ARHGAP40: variants seen among roughly 807,000 people sequenced by gnomAD.
The protein encoded by ARHGAP40 is rho GTPase-activating protein 40.
Under a neutral mutation model 73.5 loss-of-function variants are expected in ARHGAP40, and 43 were observed. The observed-to-expected ratio is 0.58, with a 90% CI of 0.46 to 0.75. The LOEUF is 0.75. ARHGAP40 is among the 30% of genes least tolerant of loss of function. The pLI is 0.00. For synonymous variants in ARHGAP40, 300 were observed against 352.8 expected (o/e 0.85, Z 1.68); for missense variants, 734 against 861.8 (o/e 0.85, Z 1.86).
chr20:38,632,463 G>A (rs1415268858), intron 5 of ARHGAP40, among the ~76,000 whole-genome samples: 6 of 151,596 alleles, frequency 4.0e-5, no homozygotes, highest in Admixed American at 2.6e-4. Context: ...GGGTTTCACC[G>A]TGTTAGCCAG....
At chr20:38,608,386 T>G (rs577441703) in intron 1 of ARHGAP40, among the ~76,000 whole-genome samples, 1 of 152,304 alleles carries the variant, frequency 6.6e-6, no homozygotes, top group South Asian at 2.1e-4. Context: ...TGTTCTCTAG[T>G]TACTACTCTG....
intron 9 of ARHGAP40, among the ~76,000 whole-genome samples, chr20:38,640,838 G>C (rs2089013533): frequency 6.6e-6 from 1 of 152,132 alleles, no homozygotes; most frequent in Admixed American, 6.5e-5. Flanking sequence ...GCCTGCGAGG[G>C]GCCTTCCGTG....
chr20:38,641,094 A>G (rs540840747), intron 9 of ARHGAP40, among the ~76,000 whole-genome samples: 1 of 144,162 alleles, frequency 6.9e-6, no homozygotes, highest in South Asian at 2.4e-4. Flanking sequence ...GGAGGGAGGG[A>G]GGGAGGAAGG....
chr20:38,621,613 G>A (rs1381040011), intron 1 of ARHGAP40, among the ~76,000 whole-genome samples: 3 of 152,216 alleles, frequency 2.0e-5, no homozygotes, highest in African/African-American at 7.2e-5. Context: ...GGAGAAACAT[G>A]AGATGTCTGC....
At chr20:38,641,572 C>T (rs1405062245) in intron 9 of ARHGAP40, among the ~76,000 whole-genome samples, 154 bp from the exon 10 acceptor site, 5 of 152,156 alleles carry the variant, frequency 3.3e-5, no homozygotes, top group African/African-American at 4.8e-5. Context: ...TCTGAGCCAA[C>T]ATTAGACAAG....
At chr20:38,614,856 C>G in intron 1 of ARHGAP40, 4 of 968,784 alleles carry the variant, frequency 4.1e-6, no homozygotes, top group Non-Finnish European at 6.6e-6. Context: ...ACCATGAGTA[C>G]CTCATCACGT....
chr20:38,639,264 G>A (rs1218230526), exon 9 of ARHGAP40: 1 of 1,305,464 alleles, frequency 7.7e-7, no homozygotes, highest in Admixed American at 2.3e-5. Flanking sequence ...TTCTATGCTG[G>A]CCTTTTTAGC....
At chr20:38,620,133 T>C (rs1290813063) in intron 1 of ARHGAP40, among the ~76,000 whole-genome samples, 1 of 152,228 alleles carries the variant, frequency 6.6e-6, no homozygotes, top group Non-Finnish European at 1.5e-5. Flanking sequence ...CAGTAAAGGT[T>C]TGAAAACCAA....
chr20:38,642,147 A>G (rs76785689), intron 10 of ARHGAP40, among the ~76,000 whole-genome samples: 6,957 of 152,254 alleles, frequency 0.046, 563 homozygotes, highest in African/African-American at 0.16. Context: ...CCTTTGGTAT[A>G]TTGAGGCTTT....
exon 13 of ARHGAP40, chr20:38,647,090 A>T (rs1323211220): frequency 1.5e-6 from 2 of 1,305,172 alleles, no homozygotes; most frequent in African/African-American, 1.5e-5. Flanking sequence ...TCCAAGGGTC[A>T]AGAAGACAGT....
intron 4 of ARHGAP40, among the ~76,000 whole-genome samples, 164 bp downstream of exon 4, chr20:38,629,166 T>C (rs1208847374): frequency 1.3e-5 from 2 of 152,176 alleles, no homozygotes; most frequent in African/African-American, 4.8e-5. Context: ...AGGGGACAGG[T>C]TGGGCCCTTA....
At chr20:38,633,875 G>A (rs914567646) in intron 5 of ARHGAP40, among the ~76,000 whole-genome samples, 6 of 152,220 alleles carry the variant, frequency 3.9e-5, no homozygotes, top group Non-Finnish European at 5.9e-5. Context: ...GGACAGAGCC[G>A]GTGAGGCAGA....
At chr20:38,641,602 T>C (rs150973490) in intron 9 of ARHGAP40, 124 bp from the exon 10 acceptor site, 4 of 596,946 alleles carry the variant, frequency 6.7e-6, no homozygotes, top group South Asian at 3.6e-5. Flanking sequence ...CCACACCTTA[T>C]GAAAAAAGGG....
intron 1 of ARHGAP40, among the ~76,000 whole-genome samples, chr20:38,617,396 G>A (rs1461344925): frequency 6.6e-6 from 1 of 152,094 alleles, no homozygotes; most frequent in Non-Finnish European, 1.5e-5. Flanking sequence ...ATGACCTCAC[G>A]GGCAAGGGTC....
At chr20:38,617,065 C>T (rs946773668) in intron 1 of ARHGAP40, among the ~76,000 whole-genome samples, 4 of 152,186 alleles carry the variant, frequency 2.6e-5, no homozygotes, top group African/African-American at 9.7e-5. Context: ...AAGGCTGCCC[C>T]CAAAGCCCTA....
At chr20:38,602,003 G>A (rs914954848) in exon 1 of ARHGAP40, 1 of 1,287,708 alleles carries the variant, frequency 7.8e-7, no homozygotes, top group Non-Finnish European at 1.0e-6. Flanking sequence ...AGGGCCCCTA[G>A]CCTCACCGTG....
chr20:38,639,283 G>A (rs1482549403), exon 9 of ARHGAP40: 5 of 1,305,350 alleles, frequency 3.8e-6, no homozygotes, highest in Non-Finnish European at 4.0e-6. Context: ...GCTGGGACGA[G>A]GTTCATCACA....
chr20:38,610,715 C>A (rs1390570706), intron 1 of ARHGAP40, among the ~76,000 whole-genome samples: 2 of 152,076 alleles, frequency 1.3e-5, no homozygotes, highest in Non-Finnish European at 2.9e-5. Context: ...TTGGAGTCAG[C>A]AGAAAGGAAT....
At chr20:38,621,674 T>A (rs1057493883) in intron 1 of ARHGAP40, among the ~76,000 whole-genome samples, 4 of 152,212 alleles carry the variant, frequency 2.6e-5, no homozygotes, top group African/African-American at 4.8e-5. Flanking sequence ...GGAGAATGAT[T>A]GATATTCTAC....
Sources: gnomAD v4.1 joint callset for allele counts (sites outside exome capture counted in the v4.1 genomes callset) on GRCh38, gnomAD v4.1.1 for gene constraint, MANE v1.5 for transcripts, NCBI Gene and HGNC (gene_info 2026-07-23, HGNC 2026-07-21) for gene names.